Variants in TTC12 observed in about 807,000 individuals in gnomAD.
TTC12 encodes the protein tetratricopeptide repeat domain 12.
Under a neutral mutation model 90.1 loss-of-function variants are expected in TTC12, and 70 were observed. The ratio of observed to expected loss-of-function variants is 0.78; its 90% CI spans 0.64 to 0.95. The LOEUF (loss-of-function observed/expected upper bound fraction) is 0.95. Ranked by LOEUF, TTC12 falls within the 40% of genes least tolerant of loss-of-function variation. The pLI, the probability that TTC12 is intolerant of heterozygous loss-of-function variation, is 0.00. For synonymous variants in TTC12, 296 were observed against 311.5 expected (o/e 0.95, Z 0.53); for missense variants, 819 against 846.1 (o/e 0.97, Z 0.40).
chr11:113,320,025 C>T (rs1947201656), intron 2 of TTC12, among the ~76,000 whole-genome samples: 1 of 152,080 alleles, frequency 6.6e-6, no homozygotes, highest in South Asian at 2.1e-4. Flanking sequence ...GTATATTTAA[C>T]ACACTAAAAT....
At position 113,364,881 on chromosome 11, in the gene TTC12, G is replaced by T. The variant is rs769437177; in HGVS notation, c.1863G>T (p.Leu621=). ...TGCTCAGCTCGGAGGATGAGGTTCT[G>T]GTGGGCAACGCTGCCCTCTGCCTTG... The part of the protein sequence containing the change: ...MKLLSSEDEV[L]VGNAALCLGN... The change falls in exon 21 of 22, where the codon CTG becomes CTT. Residue 621 remains leucine (L), a synonymous_variant. Coordinates refer to ENST00000529221, the MANE Select transcript of TTC12 (RefSeq NM_017868.4). The T allele has an allele frequency of 1.2e-6, 2 of 1,614,212 alleles. No homozygotes were observed. The highest frequency in any genetic ancestry group is 2.2e-5 in the East Asian group (1 of 44,886).
intron 13 of TTC12, among the ~76,000 whole-genome samples, chr11:113,346,466 C>T (rs1948967052): frequency 6.6e-6 from 1 of 152,066 alleles, no homozygotes. Flanking sequence ...TTAAAGACGT[C>T]GAGGTCCAAG....
intron 10 of TTC12, 108 bp from the exon 11 acceptor site, chr11:113,340,556 A>C: frequency 5.2e-6 from 4 of 776,612 alleles, no homozygotes; most frequent in Non-Finnish European, 9.3e-6. Context: ...TCACGTGGGT[A>C]CCGTGGCATT....
intron 13 of TTC12, among the ~76,000 whole-genome samples, chr11:113,348,418 A>C (rs1555148866): frequency 6.6e-6 from 1 of 151,926 alleles, no homozygotes; most frequent in Non-Finnish European, 1.5e-5. Context: ...GGTCTTCATG[A>C]GTGTCTCTTT....
intron 8 of TTC12, among the ~76,000 whole-genome samples, chr11:113,337,223 T>A (rs1428617137): frequency 6.6e-6 from 1 of 152,252 alleles, no homozygotes; most frequent in Non-Finnish European, 1.5e-5. Context: ...CAGACACTGT[T>A]AATACAGGCA....
At position 113,364,842 on chromosome 11, in the gene TTC12, C is replaced by T. The variant is rs767317462; in HGVS notation, c.1824C>T (p.Ser608=). 32 of 1,613,824 alleles carry T rather than the reference C, an allele frequency of 2.0e-5. No homozygotes were observed. In the Admixed American group the frequency reaches 3.2e-4, roughly 16 times the overall value. Residue 608 remains serine, a synonymous_variant, in exon 21 of 22, where the codon AGC becomes AGT. Coordinates refer to ENST00000529221, the MANE Select transcript of TTC12 (RefSeq NM_017868.4). ...EEVIRLDKKL[S]VMMKLLSSED... ...TCTCTTCTTTCCCTGCAGAGTTGAG[C>T]GTTATGATGAAGCTGCTCAGCTCGG...
At chr11:113,355,582 A>G (rs1299634062) in intron 16 of TTC12, among the ~76,000 whole-genome samples, 1 of 151,978 alleles carries the variant, frequency 6.6e-6, no homozygotes, top group Non-Finnish European at 1.5e-5. Context: ...CTTTTTAGTT[A>G]GAAATATCTG....
At chr11:113,361,671 C>T (rs1344651218) in intron 18 of TTC12, among the ~76,000 whole-genome samples, 1 of 152,146 alleles carries the variant, frequency 6.6e-6, no homozygotes. Context: ...GGGGTGCCAC[C>T]TCTATATCTT....
chr11:113,328,501 G>C (rs1393735352), intron 6 of TTC12, among the ~76,000 whole-genome samples: 9 of 152,092 alleles, frequency 5.9e-5, no homozygotes. Context: ...CCAGGCATTT[G>C]ATACTAAGGC....
intron 2 of TTC12, among the ~76,000 whole-genome samples, chr11:113,320,453 G>A (rs1484100034): frequency 6.6e-6 from 1 of 152,132 alleles, no homozygotes; most frequent in Non-Finnish European, 1.5e-5. Context: ...AGCAGCCAGA[G>A]GGGAGTTGGG....
At position 113,316,326 on chromosome 11, in the gene TTC12, G is replaced by T; in HGVS notation, c.58+11G>T. 1 of 1,338,444 alleles carries T rather than the reference G, an allele frequency of 7.5e-7. No individual in the cohort carries two copies. Among genetic ancestry groups the T allele is most frequent in the Non-Finnish European group, 1.0e-6 (1 of 999,814 alleles). The allele number at this position is 1,338,444 out of a possible 1,614,324, so 82.9% of individuals were successfully genotyped here. A position where few individuals can be genotyped will look rare whatever the true frequency, so the allele number is the denominator to read the frequency against. ...ATGTGGATGAAATCTGTAAGTACTA[G>T]TAAATCATAAATTAATTTCTGCTTT... On this transcript the variant is annotated intron_variant, in intron 2 of 21. Coordinates refer to ENST00000529221, the MANE Select transcript of TTC12 (RefSeq NM_017868.4).
chr11:113,329,826 C>G lies in TTC12; in HGVS notation c.445-94C>G, dbSNP rs1272833135. The G allele has an allele frequency of 4.7e-6, 5 of 1,061,856 alleles. 1 individual carries two copies. Among genetic ancestry groups the G allele is most frequent in the Non-Finnish European group, 7.4e-6 (5 of 678,846 alleles). The allele number at this position is 1,061,856 out of a possible 1,614,324, so 65.8% of individuals were successfully genotyped here. A position where few individuals can be genotyped will look rare whatever the true frequency, so the allele number is the denominator to read the frequency against. ...TGATCCAGGTAGGGGATAGTTCTCG[C>G]TGACATTCTACTGTTCGAATGTTCT... On this transcript the variant is annotated intron_variant, in intron 6 of 21. Coordinates refer to ENST00000529221, the MANE Select transcript of TTC12 (RefSeq NM_017868.4).
intron 16 of TTC12, among the ~76,000 whole-genome samples, chr11:113,354,187 G>A (rs1411966839): frequency 2.0e-5 from 3 of 149,892 alleles, no homozygotes; most frequent in African/African-American, 7.4e-5. Flanking sequence ...CACTTTCCTG[G>A]TTAGCTCTAT....
At chr11:113,366,145 C>T in intron 21 of TTC12, 80 bp from the exon 22 acceptor site, 2 of 1,498,188 alleles carry the variant, frequency 1.3e-6, no homozygotes, top group Non-Finnish European at 9.2e-7. Context: ...CAGCTTCCAT[C>T]TGAGAGGGTG....
downstream of TTC12, among the ~76,000 whole-genome samples, chr11:113,367,733 T>C (rs1950259239): frequency 6.6e-6 from 1 of 151,996 alleles, no homozygotes; most frequent in Non-Finnish European, 1.5e-5. Context: ...GGGTGGGCGG[T>C]GGAAGAAAAT....
At chr11:113,328,728 A>ACC (rs1947846235) in intron 6 of TTC12, among the ~76,000 whole-genome samples, 3 of 152,162 alleles carry the variant, frequency 2.0e-5, no homozygotes, top group Admixed American at 2.0e-4. Flanking sequence ...TCAATTTTTG[A>ACC]ACATTTCATC....
At chr11:113,351,398 C>G (rs1195859105) in intron 15 of TTC12, 99 bp downstream of exon 15, 11 of 975,878 alleles carry the variant, frequency 1.1e-5, no homozygotes, top group Non-Finnish European at 1.8e-5. Flanking sequence ...ACTATTGTCT[C>G]TCGGTTGATT....
downstream of TTC12, among the ~76,000 whole-genome samples, chr11:113,369,579 G>A (rs1416011284): frequency 2.6e-5 from 4 of 152,054 alleles, no homozygotes; most frequent in African/African-American, 9.7e-5. Flanking sequence ...TCCCACCCAG[G>A]ATCACATAGC....
intron 8 of TTC12, among the ~76,000 whole-genome samples, chr11:113,338,247 G>A (rs782159420): frequency 6.6e-6 from 1 of 152,108 alleles, no homozygotes; most frequent in African/African-American, 2.4e-5. Flanking sequence ...TCCTCAATGA[G>A]AAGCCCTCAC....
Sources: gnomAD v4.1 joint callset for allele counts (sites outside exome capture counted in the v4.1 genomes callset) on GRCh38, gnomAD v4.1.1 for gene constraint, MANE v1.5 for transcripts, NCBI Gene and HGNC (gene_info 2026-07-23, HGNC 2026-07-21) for gene names.